Variants in NCAM2 observed in about 807,000 individuals in gnomAD.
NCAM2 encodes neural cell adhesion molecule 2.
A neutral mutation model predicts 98.1 loss-of-function variants in NCAM2; 30 were observed. The ratio of observed to expected loss-of-function variants is 0.31; its 90% confidence interval spans 0.23 to 0.41. The LOEUF is 0.41. Among genes scored for constraint, NCAM2 ranks in the 10% least tolerant of loss-of-function variants. The pLI, the probability that NCAM2 is intolerant of heterozygous loss-of-function variation, is 1.00. For synonymous variants in NCAM2, 368 were observed against 342.4 expected (o/e 1.07, Z -0.83); for missense variants, 867 against 1,005.8 (o/e 0.86, Z 1.87).
intron 1 of NCAM2, among the ~76,000 whole-genome samples, chr21:21,083,431 T>A (rs1299655668): frequency 6.6e-6 from 1 of 150,806 alleles, no homozygotes; most frequent in Admixed American, 6.7e-5. Context: ...ATCTTTTTTT[T>A]TTTTTTGAGA....
chr21:21,251,609 T>TA (rs913628532), intron 1 of NCAM2, among the ~76,000 whole-genome samples: 62 of 152,290 alleles, frequency 4.1e-4, no homozygotes, highest in African/African-American at 1.3e-3. Flanking sequence ...AGTGCTGCAG[T>TA]AAACATACGT....
rs145424508 is a variant in NCAM2 at position 21,048,746 on chromosome 21, A to G, written c.55+50128A>G. 9.6e-3 allele frequency among the ~76,000 whole-genome samples: 1,460 copies of G among 152,270 alleles called. 20 individuals are homozygous for G. Among genetic ancestry groups the G allele is most frequent in the African/African-American group, 0.034 (1,403 of 41,546 alleles). ...CCAACCACCTGGGGCACATGTTCTCAGGACTTCCTGAGGGCTGTGTCACAG... is the reference window on the plus strand; with the variant it reads ...CCAACCACCTGGGGCACATGTTCTCGGGACTTCCTGAGGGCTGTGTCACAG... On this transcript the variant is annotated intron_variant, in intron 1 of 17. Coordinates refer to ENST00000400546, the MANE Select transcript of NCAM2 (RefSeq NM_004540.5).
intron 1 of NCAM2, among the ~76,000 whole-genome samples, chr21:21,262,364 A>G (rs577951746): frequency 6.6e-6 from 1 of 152,280 alleles, no homozygotes; most frequent in East Asian, 1.9e-4. Flanking sequence ...CTATTAAACC[A>G]GTATTACCCT....
chr21:21,148,351 T>A (rs557986564), intron 1 of NCAM2, among the ~76,000 whole-genome samples: 2 of 152,296 alleles, frequency 1.3e-5, no homozygotes, highest in East Asian at 3.9e-4. Context: ...ATACACAGCA[T>A]GCCTAAGCAA....
chr21:21,167,226 C>T (rs551096861), intron 1 of NCAM2, among the ~76,000 whole-genome samples: 239 of 151,962 alleles, frequency 1.6e-3, no homozygotes, highest in Non-Finnish European at 2.8e-3. Flanking sequence ...CTCTCTCTCT[C>T]ACCCTCCCCT....
intron 1 of NCAM2, among the ~76,000 whole-genome samples, chr21:21,026,996 G>T (rs1267549623): frequency 6.6e-6 from 1 of 151,028 alleles, no homozygotes; most frequent in Admixed American, 6.6e-5. Flanking sequence ...AGCTGGGATT[G>T]CAGGCGTGCT....
At chr21:21,116,707 T>C (rs2066567629) in intron 1 of NCAM2, among the ~76,000 whole-genome samples, 1 of 151,896 alleles carries the variant, frequency 6.6e-6, no homozygotes, top group East Asian at 1.9e-4. Context: ...CCAAAAAAAA[T>C]AGCTGGGTGC....
At chr21:21,044,507 A>G (rs2064969830) in intron 1 of NCAM2, among the ~76,000 whole-genome samples, 1 of 152,192 alleles carries the variant, frequency 6.6e-6, no homozygotes, top group South Asian at 2.1e-4. Flanking sequence ...AAATCTTTAT[A>G]TTGTATAAAT....
intron 1 of NCAM2, among the ~76,000 whole-genome samples, chr21:21,233,678 C>A (rs887366429): frequency 5.3e-5 from 8 of 151,676 alleles, no homozygotes; most frequent in African/African-American, 1.7e-4. Flanking sequence ...TTGGCATCAC[C>A]CACTATAGAT....
intron 1 of NCAM2, among the ~76,000 whole-genome samples, chr21:21,241,752 T>C (rs1310934553): frequency 6.6e-6 from 1 of 151,520 alleles, no homozygotes; most frequent in African/African-American, 2.4e-5. Context: ...GACAAAAGGC[T>C]GCATACTTCT....
intron 2 of NCAM2, among the ~76,000 whole-genome samples, chr21:21,281,938 A>G (rs905170532): frequency 1.3e-5 from 2 of 151,810 alleles, no homozygotes; most frequent in African/African-American, 4.8e-5. Flanking sequence ...GCATATATGT[A>G]TAACATGTCA....
At chr21:21,026,826 C>A (rs1345906731) in intron 1 of NCAM2, among the ~76,000 whole-genome samples, 6 of 150,542 alleles carry the variant, frequency 4.0e-5, no homozygotes, top group Admixed American at 3.3e-4. Context: ...GATTTTTAAC[C>A]ATGGCAAATG....
rs751431848 is a variant in NCAM2, at chr21:21,425,459, G to A, written c.1481-6649G>A. On this transcript the variant is annotated intron_variant, in intron 11 of 17. Transcript: ENST00000400546. ...CATTGTTGAAATGCCCAGTACTAAA[G>A]ATAAGTGAATCTGGGTGTCCGTGAG... is the stretch of plus-strand genomic sequence containing the variant. 8.2e-4 allele frequency among the ~76,000 whole-genome samples: 125 copies of A among 152,216 alleles called. 1 individual carries two copies. The highest frequency in any genetic ancestry group is 1.4e-3 in the Non-Finnish European group (95 of 68,024).
intron 1 of NCAM2, among the ~76,000 whole-genome samples, chr21:21,104,867 G>GT (rs1311388536): frequency 6.6e-6 from 1 of 152,122 alleles, no homozygotes; most frequent in Non-Finnish European, 1.5e-5. Flanking sequence ...CATTGTTGCT[G>GT]TTTTTTCTTA....
chr21:21,498,436 A>G (rs1334093926), intron 15 of NCAM2, among the ~76,000 whole-genome samples: 5 of 152,160 alleles, frequency 3.3e-5, no homozygotes, highest in Non-Finnish European at 2.9e-5. Flanking sequence ...TTATTCATTG[A>G]AAATTACAGG....
chr21:21,011,484 C>T lies in NCAM2; in HGVS notation c.55+12866C>T, dbSNP rs149538451. Among the ~76,000 whole-genome samples, 437 of 152,076 alleles carry T rather than the reference C, an allele frequency of 2.9e-3. 3 individuals carry two copies. The highest frequency in any genetic ancestry group is 4.5e-3 in the Non-Finnish European group (304 of 67,942). ...CCCAGCTGTATAATACATATATTTA[C>T]AGTATATGGCATGATTTTTTGACGT... On this transcript the variant is annotated intron_variant, in intron 1 of 17. Coordinates refer to ENST00000400546, the MANE Select transcript of NCAM2 (RefSeq NM_004540.5).
At chr21:21,227,469 G>A (rs534887697) in intron 1 of NCAM2, among the ~76,000 whole-genome samples, 150 of 151,804 alleles carry the variant, frequency 9.9e-4, no homozygotes, top group Admixed American at 2.6e-3. Flanking sequence ...ATAATAACAA[G>A]ATATGTTTAT....
intron 5 of NCAM2, among the ~76,000 whole-genome samples, chr21:21,316,431 AT>A (rs991773562): frequency 4.7e-4 from 71 of 151,444 alleles, no homozygotes; most frequent in African/African-American, 1.7e-3. Context: ...TCATATATTT[AT>A]TTTTTGTATT....
chr21:21,161,025 A>T (rs2067766564), intron 1 of NCAM2, among the ~76,000 whole-genome samples: 1 of 152,054 alleles, frequency 6.6e-6, no homozygotes, highest in African/African-American at 2.4e-5. Context: ...TGAAATAGTG[A>T]TTGAGAACTT....
Sources: allele counts gnomAD v4.1 joint callset (sites outside exome capture counted in the v4.1 genomes callset), GRCh38; gene constraint gnomAD v4.1.1; transcripts MANE v1.5; gene names NCBI Gene and HGNC (gene_info 2026-07-23, HGNC 2026-07-21).